ASPHD1: variants seen among roughly 807,000 people sequenced by gnomAD.
ASPHD1 encodes aspartate beta-hydroxylase domain containing 1.
Under a neutral mutation model 28.3 loss-of-function variants are expected in ASPHD1, and 20 were observed. The observed-to-expected ratio is 0.71, with a 90% confidence interval of 0.50 to 1.03. The LOEUF is 1.03. Among genes scored for constraint, ASPHD1 ranks in the 50% least tolerant of loss-of-function variants. The pLI is 0.00. For missense variants in ASPHD1, 479 were observed against 524.1 expected (o/e 0.91, Z 0.84); for synonymous variants, 240 against 221.2 (o/e 1.08, Z -0.75).
chr16:29,907,993 G>A (rs1597010075), downstream of ASPHD1, among the ~76,000 whole-genome samples: 2 of 146,786 alleles, frequency 1.4e-5, no homozygotes, highest in African/African-American at 2.6e-5. Context: ...AAAAAAAAAA[G>A]AGAGAGAGAG....
In ASPHD1 at chr16:29,901,687, G is replaced by A. The variant is rs1485739207; in HGVS notation, c.716G>A (p.Arg239Gln). The A allele has an allele frequency of 4.4e-6, 7 of 1,584,226 alleles. No homozygotes were observed. The highest frequency in any genetic ancestry group is 2.2e-5 in the East Asian group (1 of 44,712). The part of the protein sequence containing the change: ...WDFSGTTPPP[R>Q]GWSPPLAPGC... ...TTCTCAGGGACTACCCCTCCGCCTC[G>A]GGGCTGGTCCCCACCTCTGGCCCCC... Residue 239 changes from arginine to glutamine, a missense_variant, in exon 1 of 3, where the codon CGG (arginine) becomes CAG (glutamine). Arg to Gln is a conservative substitution (Grantham distance 43). Coordinates refer to ENST00000308748, the MANE Select transcript of ASPHD1 (RefSeq NM_181718.4). This position sits in a 1 kb window ranked among gnomAD's most constrained non-coding sequence, Gnocchi z 5.1.
intron 3 of ASPHD1, among the ~76,000 whole-genome samples, chr16:29,917,978 AG>A (rs1383997784): frequency 6.6e-6 from 1 of 152,160 alleles, no homozygotes; most frequent in Non-Finnish European, 1.5e-5. Context: ...CAAAGCTCAC[AG>A]GTAACAGAAA....
chr16:29,907,258 G>T, downstream of ASPHD1: 1 of 593,890 alleles, frequency 1.7e-6, no homozygotes, highest in Non-Finnish European at 3.0e-6. Flanking sequence ...CCTTTACTCA[G>T]CAAAGTCATA....
chr16:29,910,950 CCAA>C, downstream of ASPHD1: 1 of 1,601,102 alleles, frequency 6.2e-7, no homozygotes, highest in South Asian at 1.1e-5. Flanking sequence ...CCCCCAGCCC[CCAA>C]CATAGGCTCT....
chr16:29,917,595 C>T lies in ASPHD1; in HGVS notation c.*63-1936C>T, dbSNP rs532316456. Among the ~76,000 whole-genome samples, 4 of 152,126 alleles carry T rather than the reference C, an allele frequency of 2.6e-5. No individual in the cohort carries two copies. The South Asian group carries it at 6.2e-4, about 24-fold the overall frequency. On this transcript the variant is annotated intron_variant and NMD_transcript_variant, in intron 3 of 3. Transcript: ENST00000414952. ...AGGAGTTCGAGACCAGTCTGGCCAA[C>T]GTCGTGAAACCCCATCTCTGCTAAA...
Position 29,901,973 on chromosome 16 carries a change from A to C in ASPHD1, c.949+53A>C, listed in dbSNP as rs1473602732. ...TCCTTGCCTCGATGATTTCCCCCCC[A>C]GACCCTTCTCTCCGCCAGAGCCGTC... On this transcript the variant is annotated intron_variant, in intron 1 of 2. Transcript: ENST00000308748. This position sits in a 1 kb window ranked among gnomAD's most constrained non-coding sequence, Gnocchi z 5.1. The C allele has an allele frequency of 7.4e-7, 1 of 1,360,090 alleles. No homozygotes were observed. Among genetic ancestry groups the C allele is most frequent in the Non-Finnish European group, 9.6e-7 (1 of 1,040,608 alleles). The allele number at this position is 1,360,090 out of a possible 1,614,324, so 84.3% of individuals were successfully genotyped here.
At chr16:29,917,578 G>A (rs1025691541) in intron 3 of ASPHD1, among the ~76,000 whole-genome samples, 1 of 152,014 alleles carries the variant, frequency 6.6e-6, no homozygotes, top group Admixed American at 6.6e-5. Flanking sequence ...TCAGGAGTTC[G>A]AGACCAGTCT....
At chr16:29,916,420 A>G (rs960609512) in intron 3 of ASPHD1, among the ~76,000 whole-genome samples, 1 of 152,172 alleles carries the variant, frequency 6.6e-6, no homozygotes, top group African/African-American at 2.4e-5. Context: ...AGCTTTTACT[A>G]ACAATCTCCT....
Position 29,901,416 on chromosome 16 carries a change from C to G in ASPHD1, c.445C>G (p.Arg149Gly). ...TAGGACGGAAGGCCTAGTGAGCCGG[C>G]GGCTTCGGGCCTACGCAAGGCGCTA... ...GPRTEGLVSR[R>G]LRAYARRYSW... Residue 149 changes from arginine to glycine, a missense_variant, in exon 1 of 3, where the codon CGG (arginine) becomes GGG (glycine). Transcript: ENST00000308748. This position sits in a 1 kb window ranked among gnomAD's most constrained non-coding sequence, Gnocchi z 5.1. 2.5e-6 allele frequency: 4 copies of G among 1,590,782 alleles called. No homozygotes were observed. Among genetic ancestry groups the G allele is most frequent in the Non-Finnish European group, 3.4e-6 (4 of 1,170,116 alleles).
chr16:29,911,953 G>A (rs772953486), intron 3 of ASPHD1: 13 of 1,610,354 alleles, frequency 8.1e-6, no homozygotes, highest in East Asian at 2.2e-5. Flanking sequence ...GGGCTTGGGG[G>A]CCTCACCTTG....
At chr16:29,906,848 G>C, downstream of ASPHD1, 1 of 1,597,836 alleles carries the variant, frequency 6.3e-7, no homozygotes, top group Non-Finnish European at 8.6e-7. Context: ...CAAGGCAAGA[G>C]GAAGGCAGGG....
chr16:29,902,883 C>CTTTT lies in ASPHD1; in HGVS notation c.949+965_949+968dup, dbSNP rs370689330. 4.9e-4 allele frequency among the ~76,000 whole-genome samples: 53 copies of CTTTT among 107,554 alleles called. 6 individuals are homozygous for CTTTT. Among genetic ancestry groups the CTTTT allele is most frequent in the Non-Finnish European group, 7.4e-4 (41 of 55,058 alleles). The allele number at this position is 107,554 out of a possible 152,430, so 70.6% of individuals were successfully genotyped here. A position where few individuals can be genotyped will look rare whatever the true frequency, so the allele number is the denominator to read the frequency against. On this transcript the variant is annotated intron_variant, in intron 1 of 2. Transcript: ENST00000308748. ...CAGTAGCACCAAACTGAGATTTTTT[C>CTTTT]TTTTTCTTTTTTTTTTTTTTTTGAG...
chr16:29,918,236 T>C (rs1464358587), intron 3 of ASPHD1, among the ~76,000 whole-genome samples: 1 of 152,208 alleles, frequency 6.6e-6, no homozygotes, highest in African/African-American at 2.4e-5. Flanking sequence ...CTTAATACAG[T>C]GGCCAAATAC....
At chr16:29,907,134 T>G, downstream of ASPHD1, 1 of 1,538,724 alleles carries the variant, frequency 6.5e-7, no homozygotes, top group Non-Finnish European at 8.9e-7. Context: ...CGGCCCCAGC[T>G]CCTTCCTTCT....
Position 29,905,837 on chromosome 16 carries a change from C to A in ASPHD1, c.1113C>A (p.His371Gln), listed in dbSNP as rs1300695961. ...TGGTCTTCATCGTGGACCTCTGGCA[C>A]CCCAACGTGGCAGGGGCTGAGCGCC... ...PRVVFIVDLW[H>Q]PNVAGAERQA... Residue 371 changes from histidine to glutamine, a missense_variant, in exon 3 of 3, where the codon CAC (histidine) becomes CAA (glutamine). Transcript: ENST00000308748. The A allele has an allele frequency of 6.2e-7, 1 of 1,613,626 alleles. No individual in the cohort carries two copies. The highest frequency in any genetic ancestry group is 1.1e-5 in the South Asian group (1 of 91,060).
chr16:29,908,683 C>A (rs1597010967), downstream of ASPHD1, among the ~76,000 whole-genome samples: 1 of 136,214 alleles, frequency 7.3e-6, no homozygotes, highest in South Asian at 2.4e-4. Flanking sequence ...CATGCCCGGC[C>A]TTTTTTTTTT....
chr16:29,911,852 G>T, intron 3 of ASPHD1: 1 of 1,612,606 alleles, frequency 6.2e-7, no homozygotes, highest in Non-Finnish European at 8.5e-7. Flanking sequence ...CGGTTGTGCA[G>T]GAGCTTCACC....
At chr16:29,906,239 C>G (rs2068610279), downstream of ASPHD1, 1 of 195,378 alleles carries the variant, frequency 5.1e-6, no homozygotes, top group African/African-American at 2.4e-5. Context: ...CTGCCTCAAC[C>G]TCCTGAGTAG....
At chr16:29,911,073 C>T (rs763903243) in intron 3 of ASPHD1, 6 of 1,614,082 alleles carry the variant, frequency 3.7e-6, no homozygotes, top group Non-Finnish European at 5.1e-6. Flanking sequence ...CAGCAGATCT[C>T]GTCCCCCAGG....
Sources: gnomAD v4.1 joint callset for allele counts (sites outside exome capture counted in the v4.1 genomes callset) on GRCh38, gnomAD v4.1.1 for gene constraint, Gnocchi (gnomAD v3.1) non-coding constraint, MANE v1.5 for transcripts, NCBI Gene and HGNC (gene_info 2026-07-23, HGNC 2026-07-21) for gene names.